ITPKA: variants seen among roughly 807,000 people sequenced by gnomAD.
ITPKA encodes IP3 3-kinase A.
ITPKA carries 16 observed loss-of-function variants against 40.7 expected under a neutral mutation model. The ratio of observed to expected loss-of-function variants is 0.39; its 90% CI spans 0.27 to 0.60. The LOEUF is 0.60. Among genes scored for constraint, ITPKA ranks in the 20% least tolerant of loss-of-function variants. ITPKA has a pLI of 0.50. For missense variants in ITPKA, 540 were observed against 649.3 expected (o/e 0.83, Z 1.83); for synonymous variants, 313 against 289.9 (o/e 1.08, Z -0.81).
Position 41,502,109 on chromosome 15 carries a change from G to A in ITPKA, c.916G>A (p.Ala306Thr). ...TGAAGCTCCCACGGAGGAGGAGCAC[G>A]CGCAGCGCGCCGTCACCAAGCCGCG... Reference protein sequence around the residue: ...DPEAPTEEEHAQRAVTKPRYM... With the variant: ...DPEAPTEEEHTQRAVTKPRYM... Residue 306 changes from alanine (A) to threonine (T), a missense_variant, in exon 4 of 7, where the codon GCG becomes ACG. Transcript: ENST00000260386. The A allele has an allele frequency of 1.9e-6, 3 of 1,611,650 alleles. No individual in the cohort carries two copies. Among genetic ancestry groups the A allele is most frequent in the South Asian group, 2.2e-5 (2 of 90,824 alleles).
chr15:41,498,666 T>G (rs1324529068), intron 1 of ITPKA, among the ~76,000 whole-genome samples: 1 of 152,186 alleles, frequency 6.6e-6, no homozygotes, highest in Non-Finnish European at 1.5e-5. Flanking sequence ...CTACAGCCAT[T>G]AAACTCATTC....
At chr15:41,496,655 T>C (rs1176930894) in intron 1 of ITPKA, among the ~76,000 whole-genome samples, 1 of 152,154 alleles carries the variant, frequency 6.6e-6, no homozygotes, top group Non-Finnish European at 1.5e-5. Context: ...CTTTCTGTGC[T>C]CCAGGATAGG....
At chr15:41,497,506 G>A (rs2026946) in intron 1 of ITPKA, among the ~76,000 whole-genome samples, 46,308 of 152,046 alleles carry the variant, frequency 0.3, 7,486 homozygotes, top group Non-Finnish European at 0.35. Context: ...GAGATTACAG[G>A]TGTCAGCCAC....
In ITPKA at chr15:41,501,577, T is replaced by C. The variant is rs1445318720; in HGVS notation, c.586+18T>C. On this transcript the variant is annotated intron_variant, in intron 2 of 6. Transcript: ENST00000260386. ...GCACACTGGTGAGCAGTGGGGCGGG[T>C]GGGCGGGTGCCCGCGACGGGAAGGG... The C allele has an allele frequency of 3.1e-5, 2 of 64,326 alleles. No homozygotes were observed. The highest frequency in any genetic ancestry group is 2.4e-4 in the South Asian group (2 of 8,248). 4.0% of individuals were successfully genotyped at this position (64,326 alleles called of 1,614,324 possible).
At chr15:41,495,747 C>T (rs2051066278) in intron 1 of ITPKA, among the ~76,000 whole-genome samples, 1 of 152,246 alleles carries the variant, frequency 6.6e-6, no homozygotes, top group South Asian at 2.1e-4. Context: ...CGCCCCGCCT[C>T]TTCGGAAAAG....
At position 41,503,513 on chromosome 15, in the gene ITPKA, A is replaced by C; in HGVS notation, c.*347A>C. ...ACCTTCCGGTCTAACGTCTCACACC[A>C]CGACGGACTCCCCTTCCTAATAAAA... On this transcript the variant is annotated 3_prime_UTR_variant, in exon 7 of 7. Coordinates refer to ENST00000260386, the MANE Select transcript of ITPKA (RefSeq NM_002220.3). The C allele has an allele frequency of 1.7e-6, 1 of 598,026 alleles. No individual in the cohort carries two copies. The highest frequency in any genetic ancestry group is 3.2e-6 in the Non-Finnish European group (1 of 311,902). The allele number at this position is 598,026 out of a possible 1,614,324, so 37.0% of individuals were successfully genotyped here.
intron 1 of ITPKA, among the ~76,000 whole-genome samples, chr15:41,501,008 G>GAA (rs11366854): frequency 1.9e-4 from 11 of 58,170 alleles, no homozygotes; most frequent in South Asian, 8.2e-4. Flanking sequence ...GACTCCATCT[G>GAA]AAAAAAAAAA....
At position 41,503,503 on chromosome 15, in the gene ITPKA, G is replaced by T; in HGVS notation, c.*337G>T. 1.6e-6 allele frequency: 1 copy of T among 608,066 alleles called. No homozygotes were observed. The highest frequency in any genetic ancestry group is 3.8e-5 in the East Asian group (1 of 26,046). 37.7% of individuals were successfully genotyped at this position (608,066 alleles called of 1,614,324 possible). A position where few individuals can be genotyped will look rare whatever the true frequency, so the allele number is the denominator to read the frequency against. ...GCAAGCCCAGACCTTCCGGTCTAAC[G>T]TCTCACACCACGACGGACTCCCCTT... On this transcript the variant is annotated 3_prime_UTR_variant, in exon 7 of 7. Transcript: ENST00000260386.
At chr15:41,502,273 G>T in intron 4 of ITPKA, 72 bp downstream of exon 4, 2 of 1,065,316 alleles carry the variant, frequency 1.9e-6, no homozygotes, top group East Asian at 8.1e-5. Flanking sequence ...CCCCGCTCCC[G>T]CCCCGCCTGC....
In ITPKA at chr15:41,502,224, G is replaced by A. The variant is rs774286726; in HGVS notation, c.1008+23G>A. 8.1e-5 allele frequency: 125 copies of A among 1,548,704 alleles called. 1 individual carries two copies. The Admixed American group carries it at 1.2e-3, about 15-fold the overall frequency. ...AAGGTGAGGCAGGCGCGCTTCGCTG[G>A]CACCGCCGCAGCCCCACTGCGCGCT... On this transcript the variant is annotated intron_variant, in intron 4 of 6. Transcript: ENST00000260386.
intron 1 of ITPKA, among the ~76,000 whole-genome samples, chr15:41,497,675 T>C (rs1199920837): frequency 1.3e-5 from 2 of 152,158 alleles, no homozygotes; most frequent in Non-Finnish European, 1.5e-5. Flanking sequence ...AATCCTGTCA[T>C]AGCAACCTCA....
rs1244932249 is a variant in ITPKA, at chr15:41,501,704, T to A, written c.656T>A (p.Leu219Gln). 1.2e-6 allele frequency: 2 copies of A among 1,610,894 alleles called. No individual in the cohort carries two copies. Among genetic ancestry groups the A allele is most frequent in the Admixed American group, 3.3e-5 (2 of 59,850 alleles). Residue 219 changes from leucine to glutamine, a missense_variant, in exon 3 of 7, where the codon CTG becomes CAG. Leu to Gln is a moderately radical substitution (Grantham distance 113). Transcript: ENST00000260386. ...TGCTCGGAGCCGGAGCGCTACTGCC[T>A]GGCGCGGCTGATGGCTGACGCGCTG... ...KRCSEPERYC[L>Q]ARLMADALRG...
intron 1 of ITPKA, among the ~76,000 whole-genome samples, chr15:41,496,808 T>C (rs1359639166): frequency 6.6e-6 from 1 of 152,200 alleles, no homozygotes; most frequent in Non-Finnish European, 1.5e-5. Flanking sequence ...GGGTCACTTA[T>C]ACCTTAGTGC....
rs1481479997 is a variant in ITPKA, at chr15:41,502,451, A to G, written c.1058A>G (p.Glu353Gly). The change falls in exon 5 of 7, where the codon GAG becomes GGG. Residue 353 changes from glutamate (E) to glycine (G), a missense_variant. By Grantham distance (98) the Glu-to-Gly change is moderately conservative. Coordinates refer to ENST00000260386, the MANE Select transcript of ITPKA (RefSeq NM_002220.3). The part of the protein sequence containing the change: ...STDFKTTRSR[E>G]QVLRVFEEFV... ...GACTTCAAGACTACGCGAAGCCGAGAGCAGGTGCTTCGCGTCTTTGAAGAG... is the reference window on the plus strand; with the variant it reads ...GACTTCAAGACTACGCGAAGCCGAGGGCAGGTGCTTCGCGTCTTTGAAGAG... 2 of 1,603,746 alleles carry G rather than the reference A, an allele frequency of 1.2e-6. No individual in the cohort carries two copies. The highest frequency in any genetic ancestry group is 1.3e-5 in the African/African-American group (1 of 74,740).
chr15:41,501,337 TAATG>T, intron 1 of ITPKA, 122 bp from the exon 2 acceptor site: 1 of 1,480,482 alleles, frequency 6.8e-7, no homozygotes, highest in Non-Finnish European at 9.0e-7. Flanking sequence ...ATGAATGAAT[TAATG>T]ACTCATCCAG....
intron 5 of ITPKA, 46 bp downstream of exon 5, chr15:41,502,549 C>T (rs748325558): frequency 1.7e-6 from 2 of 1,161,432 alleles, no homozygotes; most frequent in South Asian, 1.2e-5. Flanking sequence ...AGCCTGAAGC[C>T]GAGGACTGCC....
intron 1 of ITPKA, among the ~76,000 whole-genome samples, chr15:41,497,429 T>G (rs2051081162): frequency 6.6e-6 from 1 of 152,202 alleles, no homozygotes; most frequent in South Asian, 2.1e-4. Context: ...GGTTTCACCA[T>G]GTTGGCCAGG....
In ITPKA at chr15:41,494,071, C is replaced by A. The variant is rs1280261087; in HGVS notation, c.144C>A (p.Ala48=). The part of the protein sequence containing the change: ...FEARCAAVAA[A]AAAGEPRARG... ...CGCGCTGTGCGGCGGTCGCTGCGGC[C>A]GCCGCCGCGGGGGAGCCCCGGGCCC... The change falls in exon 1 of 7, where the codon GCC becomes GCA. Residue 48 remains alanine (A), a synonymous_variant. Transcript: ENST00000260386. The surrounding 1 kb of genome is among the most constrained non-coding windows in gnomAD (Gnocchi z 7.8). 4 of 1,243,154 alleles carry A rather than the reference C, an allele frequency of 3.2e-6. No homozygotes were observed. The highest frequency in any genetic ancestry group is 4.0e-6 in the Non-Finnish European group (4 of 995,956). 77.0% of individuals were successfully genotyped at this position (1,243,154 alleles called of 1,614,324 possible).
Position 41,493,878 on chromosome 15 carries a change from C to G in ITPKA, c.-50C>G. On this transcript the variant is annotated 5_prime_UTR_variant, in exon 1 of 7. Transcript: ENST00000260386. ...CCGGGGGCGCCGAGCCGCTCCAGTC[C>G]CCGGCGCGCCGCGGGCTGGTGGGCT... is the stretch of plus-strand genomic sequence containing the variant. 1 of 994,536 alleles carries G rather than the reference C, an allele frequency of 1.0e-6. No homozygotes were observed. The highest frequency in any genetic ancestry group is 1.2e-6 in the Non-Finnish European group (1 of 837,254). The allele number at this position is 994,536 out of a possible 1,614,324, so 61.6% of individuals were successfully genotyped here.
Sources: allele counts gnomAD v4.1 joint callset (sites outside exome capture counted in the v4.1 genomes callset), GRCh38; gene constraint gnomAD v4.1.1; non-coding constraint Gnocchi (gnomAD v3.1); transcripts MANE v1.5; gene names NCBI Gene and HGNC (gene_info 2026-07-23, HGNC 2026-07-21).